The following CADPS2 variants were observed in gnomAD, a reference collection of about 807,000 sequenced individuals.
CADPS2 encodes calcium dependent secretion activator 2, also known as calcium-dependent secretion activator 2.
CADPS2 carries 93 observed loss-of-function variants against 172.5 expected under a neutral mutation model. The ratio of observed to expected loss-of-function variants is 0.54; its 90% CI spans 0.46 to 0.64. The LOEUF (loss-of-function observed/expected upper bound fraction) is 0.64. CADPS2 is among the 30% of genes least tolerant of loss of function. CADPS2 has a pLI of 0.00. For synonymous variants in CADPS2, 546 were observed against 555.2 expected (o/e 0.98, Z 0.23); for missense variants, 1,420 against 1,565.9 (o/e 0.91, Z 1.57).
chr7:122,621,224 T>C (rs1432447030), intron 5 of CADPS2, among the ~76,000 whole-genome samples: 1 of 152,092 alleles, frequency 6.6e-6, no homozygotes, highest in African/African-American at 2.4e-5. Context: ...AAATTTACAA[T>C]AGCCTCGCTG....
chr7:122,644,153 G>C (rs946575912), intron 3 of CADPS2, among the ~76,000 whole-genome samples: 4 of 152,150 alleles, frequency 2.6e-5, no homozygotes, highest in Admixed American at 1.3e-4. Context: ...CTATGAATAA[G>C]AGAGAATGAC....
intron 15 of CADPS2, among the ~76,000 whole-genome samples, chr7:122,449,485 T>C (rs1239260521): frequency 6.6e-6 from 1 of 152,038 alleles, no homozygotes; most frequent in African/African-American, 2.4e-5. Context: ...CCAGATAATT[T>C]TTTAGTTTTT....
chr7:122,684,306 G>C (rs977919456), intron 2 of CADPS2, among the ~76,000 whole-genome samples: 32 of 152,048 alleles, frequency 2.1e-4, no homozygotes, highest in Admixed American at 3.3e-4. Flanking sequence ...ACTGTACAGA[G>C]AGCATAGTTT....
intron 6 of CADPS2, among the ~76,000 whole-genome samples, chr7:122,592,635 C>T (rs1379202114): frequency 6.6e-6 from 1 of 152,088 alleles, no homozygotes; most frequent in Non-Finnish European, 1.5e-5. Flanking sequence ...TGGCAATATA[C>T]ACCATGGAAT....
At chr7:122,768,502 T>G (rs1054255090) in intron 1 of CADPS2, among the ~76,000 whole-genome samples, 2 of 152,168 alleles carry the variant, frequency 1.3e-5, no homozygotes, top group Non-Finnish European at 2.9e-5. Flanking sequence ...AGAAATGCCA[T>G]GTTACCTTGC....
intron 24 of CADPS2, among the ~76,000 whole-genome samples, chr7:122,380,892 T>C (rs1309095079): frequency 6.6e-6 from 1 of 152,048 alleles, no homozygotes; most frequent in Admixed American, 6.6e-5. Flanking sequence ...AGTGCTGATA[T>C]TTTTGCTTTC....
At chr7:122,716,343 G>C (rs2089593421) in intron 2 of CADPS2, among the ~76,000 whole-genome samples, 1 of 151,996 alleles carries the variant, frequency 6.6e-6, no homozygotes, top group South Asian at 2.1e-4. Context: ...GGTCCACACT[G>C]CATAGGGCAG....
chr7:122,706,080 T>C (rs1330603705), intron 2 of CADPS2, among the ~76,000 whole-genome samples: 3 of 92,762 alleles, frequency 3.2e-5, no homozygotes, highest in African/African-American at 1.3e-4. Context: ...TATATGTTTA[T>C]ATATTCAAGG....
intron 1 of CADPS2, among the ~76,000 whole-genome samples, chr7:122,869,388 A>G (rs1306617006): frequency 6.6e-6 from 1 of 152,152 alleles, no homozygotes; most frequent in Non-Finnish European, 1.5e-5. Flanking sequence ...AGATTTTTCC[A>G]AGAGAAACCC....
At chr7:122,854,228 G>A (rs1814542449) in intron 1 of CADPS2, among the ~76,000 whole-genome samples, 1 of 152,034 alleles carries the variant, frequency 6.6e-6, no homozygotes, top group African/African-American at 2.4e-5. Flanking sequence ...AGAGTGGTGG[G>A]TGACTCGTGC....
rs41281719 is a variant in CADPS2, at chr7:122,629,099, T to C, written c.867+149A>G. On this transcript the variant is annotated intron_variant, in intron 4 of 29. Transcript: ENST00000449022. ...CATTTAGATAACATGCTTTCAGATA[T>C]TTGGGATTAAGAGGTCTATGTGTAG... 0.2 allele frequency: 97,036 copies of C among 489,406 alleles called. 11,844 individuals carry two copies. The highest frequency in any genetic ancestry group is 0.25 in the Non-Finnish European group (70,609 of 277,280). The allele number at this position is 489,406 out of a possible 1,614,324, so 30.3% of individuals were successfully genotyped here. A position where few individuals can be genotyped will look rare whatever the true frequency, so the allele number is the denominator to read the frequency against.
intron 13 of CADPS2, among the ~76,000 whole-genome samples, chr7:122,472,911 G>A (rs1014349531): frequency 2.6e-5 from 4 of 151,844 alleles, no homozygotes; most frequent in African/African-American, 9.7e-5. Context: ...CAGACAAAAT[G>A]GGGGGGCGCA....
chr7:122,681,308 C>T, intron 2 of CADPS2: 1 of 1,164,882 alleles, frequency 8.6e-7, no homozygotes, highest in Non-Finnish European at 1.3e-6. Context: ...CGGTCCGTGC[C>T]TCCAAGATGA....
chr7:122,778,782 T>C (rs1175209172), intron 1 of CADPS2, among the ~76,000 whole-genome samples: 2 of 152,236 alleles, frequency 1.3e-5, no homozygotes, highest in African/African-American at 4.8e-5. Context: ...AATGCTGAAA[T>C]GAGTTAAGAC....
At chr7:122,780,217 G>C (rs969205145) in intron 1 of CADPS2, among the ~76,000 whole-genome samples, 1 of 151,838 alleles carries the variant, frequency 6.6e-6, no homozygotes, top group Admixed American at 6.6e-5. Flanking sequence ...ATGTGCACTT[G>C]TTTTCTTTTC....
intron 7 of CADPS2, among the ~76,000 whole-genome samples, chr7:122,575,349 C>G (rs1437939693): frequency 5.3e-5 from 8 of 151,814 alleles, no homozygotes; most frequent in Non-Finnish European, 1.0e-4. Context: ...GCACATATTT[C>G]TGAATCAATA....
intron 9 of CADPS2, among the ~76,000 whole-genome samples, chr7:122,509,208 T>G (rs559496312): frequency 6.6e-6 from 1 of 152,232 alleles, no homozygotes; most frequent in Admixed American, 6.5e-5. Context: ...CAGAAATCAA[T>G]AGGATGGGCA....
intron 1 of CADPS2, among the ~76,000 whole-genome samples, chr7:122,871,937 A>C (rs567338693): frequency 1.4e-4 from 21 of 151,942 alleles, no homozygotes; most frequent in African/African-American, 5.1e-4. Context: ...TCCTTGCTAG[A>C]CTCTCTTTTC....
chr7:122,644,393 G>A (rs1335556755), intron 3 of CADPS2, among the ~76,000 whole-genome samples: 5 of 152,006 alleles, frequency 3.3e-5, no homozygotes, highest in Non-Finnish European at 7.4e-5. Flanking sequence ...CTTGGAAGAT[G>A]ACAAACCAAT....
Sources: gnomAD v4.1 joint callset for allele counts (sites outside exome capture counted in the v4.1 genomes callset) on GRCh38, gnomAD v4.1.1 for gene constraint, MANE v1.5 for transcripts, NCBI Gene and HGNC (gene_info 2026-07-23, HGNC 2026-07-21) for gene names.